Variants in GRIN2A observed in about 807,000 individuals in gnomAD.
The protein encoded by GRIN2A is glutamate ionotropic receptor NMDA type subunit 2A.
GRIN2A carries 22 observed loss-of-function variants against 113.4 expected under a neutral mutation model. That is an observed-to-expected ratio of 0.19 (90% CI 0.14 to 0.28). The LOEUF is 0.28. Ranked by LOEUF, GRIN2A falls within the 10% of genes least tolerant of loss-of-function variation. The probability of loss-of-function intolerance (pLI) is 1.00; values close to 1 mark genes in which losing one functional copy is unlikely to be tolerated. For synonymous variants in GRIN2A, 827 were observed against 738.4 expected (o/e 1.12, Z -1.94); for missense variants, 1,502 against 1,887.0 (o/e 0.80, Z 3.78).
intron 4 of GRIN2A, among the ~76,000 whole-genome samples, chr16:9,882,886 A>C (rs1427226901): frequency 1.3e-5 from 2 of 152,222 alleles, no homozygotes; most frequent in Non-Finnish European, 2.9e-5. Context: ...ATCCAGTGAG[A>C]GGAAAGGAAG....
intron 2 of GRIN2A, among the ~76,000 whole-genome samples, chr16:10,129,961 G>C (rs904180862): frequency 2.0e-5 from 3 of 152,236 alleles, no homozygotes; most frequent in African/African-American, 7.2e-5. Flanking sequence ...GTTAAGGGCA[G>C]AGCTAGAAGC....
At chr16:9,876,650 G>A (rs141350411) in intron 4 of GRIN2A, among the ~76,000 whole-genome samples, 16 of 152,170 alleles carry the variant, frequency 1.1e-4, no homozygotes, top group East Asian at 7.7e-4. Context: ...TCTCTGCTTC[G>A]CCTGTACCTA....
At position 9,781,055 on chromosome 16, in the gene GRIN2A, G is replaced by A. The variant is rs369060304; in HGVS notation, c.2357-11966C>T. Among the ~76,000 whole-genome samples the A allele has an allele frequency of 3.9e-4, 58 of 149,416 alleles. 1 individual carries two copies. The East Asian group carries it at 5.3e-3, about 14-fold the overall frequency. On this transcript the variant is annotated intron_variant, in intron 11 of 12. Coordinates refer to ENST00000330684, the MANE Select transcript of GRIN2A (RefSeq NM_001134407.3). Reference sequence around the variant, plus strand: ...ATATTTTCAGCACTACAGGCCATACGGTCTCTATCACAACTACTCAACTCT... The same window carrying A: ...ATATTTTCAGCACTACAGGCCATACAGTCTCTATCACAACTACTCAACTCT...
chr16:10,091,576 C>T (rs998629013), intron 2 of GRIN2A, among the ~76,000 whole-genome samples: 1 of 152,052 alleles, frequency 6.6e-6, no homozygotes, highest in East Asian at 1.9e-4. Context: ...TTGCTTGAGC[C>T]TCGGAGGCAG....
At chr16:9,772,922 C>CAAAAAAAAAAAAAAAA (rs71400490) in intron 11 of GRIN2A, among the ~76,000 whole-genome samples, 1 of 105,012 alleles carries the variant, frequency 9.5e-6, no homozygotes, top group African/African-American at 3.7e-5. Context: ...ACTTCAATTT[C>CAAAAAAAAAAAAAAAA]AAAAAAAAAA....
intron 3 of GRIN2A, among the ~76,000 whole-genome samples, chr16:9,914,096 T>TA (rs61449281): frequency 0.017 from 2,424 of 141,700 alleles, 43 homozygotes; most frequent in African/African-American, 0.037. Context: ...CATTCTTGGT[T>TA]AAAAAAAAAA....
chr16:10,051,433 A>T (rs532769323), intron 2 of GRIN2A, among the ~76,000 whole-genome samples: 10 of 152,302 alleles, frequency 6.6e-5, no homozygotes, highest in African/African-American at 2.4e-4. Flanking sequence ...TTGCCTTTTC[A>T]CAGGAGTATC....
At chr16:10,166,191 TC>T (rs1435461360) in intron 2 of GRIN2A, among the ~76,000 whole-genome samples, 1 of 152,196 alleles carries the variant, frequency 6.6e-6, no homozygotes, top group Non-Finnish European at 1.5e-5. Context: ...CACTCACTCT[TC>T]CTGGGCAGGT....
intron 2 of GRIN2A, among the ~76,000 whole-genome samples, chr16:9,967,255 A>T (rs879110791): frequency 1.3e-5 from 2 of 152,244 alleles, no homozygotes; most frequent in Admixed American, 1.3e-4. Flanking sequence ...ACGGAATACT[A>T]TTCAGTCATA....
intron 5 of GRIN2A, among the ~76,000 whole-genome samples, chr16:9,843,845 C>T (rs1389276644): frequency 6.6e-6 from 1 of 152,184 alleles, no homozygotes; most frequent in Non-Finnish European, 1.5e-5. Context: ...ACCAATTACC[C>T]AGAATGGAGG....
At chr16:10,113,260 T>C (rs755132458) in intron 2 of GRIN2A, among the ~76,000 whole-genome samples, 6 of 151,646 alleles carry the variant, frequency 4.0e-5, no homozygotes, top group Non-Finnish European at 7.4e-5. Flanking sequence ...CAGGAAATGG[T>C]GCTTTCCTGG....
intron 4 of GRIN2A, among the ~76,000 whole-genome samples, chr16:9,858,234 G>A (rs572065418): frequency 6.6e-6 from 1 of 152,170 alleles, no homozygotes; most frequent in Admixed American, 6.5e-5. Flanking sequence ...AAGCAATAAA[G>A]TGGGGATGGC....
intron 2 of GRIN2A, among the ~76,000 whole-genome samples, chr16:10,172,944 T>C (rs2050071559): frequency 6.6e-6 from 1 of 152,074 alleles, no homozygotes; most frequent in South Asian, 2.1e-4. Context: ...TCTCTCTCTT[T>C]CCCCACTCAC....
At chr16:9,951,695 C>T (rs1256242766) in intron 2 of GRIN2A, among the ~76,000 whole-genome samples, 6 of 151,954 alleles carry the variant, frequency 3.9e-5, no homozygotes, top group African/African-American at 9.7e-5. Context: ...TTTTTTTCTC[C>T]GAAGTGACAT....
intron 3 of GRIN2A, among the ~76,000 whole-genome samples, chr16:9,901,185 T>C (rs923182596): frequency 3.3e-5 from 5 of 152,236 alleles, no homozygotes; most frequent in African/African-American, 1.2e-4. Flanking sequence ...ATAAAGTAGA[T>C]GCTCAATGCA....
intron 2 of GRIN2A, among the ~76,000 whole-genome samples, chr16:10,006,043 T>G (rs1319520561): frequency 1.3e-5 from 2 of 152,238 alleles, no homozygotes; most frequent in African/African-American, 4.8e-5. Flanking sequence ...TATGTAAGGA[T>G]GTAGGCTGTT....
At chr16:10,042,963 T>A (rs72772361) in intron 2 of GRIN2A, among the ~76,000 whole-genome samples, 1 of 152,132 alleles carries the variant, frequency 6.6e-6, no homozygotes, top group African/African-American at 2.4e-5. Context: ...ACTGAATCCA[T>A]CAGTCCCCAA....
intron 2 of GRIN2A, among the ~76,000 whole-genome samples, chr16:10,109,090 A>G (rs1338349100): frequency 6.6e-6 from 1 of 151,928 alleles, no homozygotes; most frequent in Non-Finnish European, 1.5e-5. Context: ...TATCAGAAAT[A>G]AAGTCTGGTG....
At chr16:10,116,015 C>T (rs1209188675) in intron 2 of GRIN2A, among the ~76,000 whole-genome samples, 3 of 152,164 alleles carry the variant, frequency 2.0e-5, no homozygotes, top group Admixed American at 2.0e-4. Flanking sequence ...AAGATACATG[C>T]ACACGTATGT....
Sources: gnomAD v4.1 joint callset for allele counts (sites outside exome capture counted in the v4.1 genomes callset) on GRCh38, gnomAD v4.1.1 for gene constraint, MANE v1.5 for transcripts, NCBI Gene and HGNC (gene_info 2026-07-23, HGNC 2026-07-21) for gene names.